The following CYP39A1 variants were observed in gnomAD, a reference collection of about 807,000 sequenced individuals.
CYP39A1 encodes 24-hydroxycholesterol 7-alpha-hydroxylase.
In CYP39A1, 49 loss-of-function variants were observed where a neutral mutation model predicts 58.1. The observed-to-expected ratio is 0.84, with a 90% CI of 0.67 to 1.07. CYP39A1 has a LOEUF of 1.07. Among genes scored for constraint, CYP39A1 ranks in the 50% least tolerant of loss-of-function variants. The pLI, the probability that CYP39A1 is intolerant of heterozygous loss-of-function variation, is 0.00. For missense variants in CYP39A1, 531 were observed against 539.4 expected, an observed-to-expected ratio of 0.98 and a Z score of 0.16; for synonymous variants, 209 against 187.6, an observed-to-expected ratio of 1.11 and a Z score of -0.93.
intron 7 of CYP39A1, among the ~76,000 whole-genome samples, chr6:46,616,016 T>TC (rs879283101): frequency 0.79 from 67,751 of 86,016 alleles, 25,167 homozygotes; most frequent in East Asian, 0.87. Flanking sequence ...CCCCCCTCCC[T>TC]CCCCCTCCCT....
Position 46,556,363 on chromosome 6 carries a change from A to G in CYP39A1, c.1251-2509T>C, listed in dbSNP as rs572686305. On this transcript the variant is annotated intron_variant, in intron 10 of 11. Transcript: ENST00000275016. Reference sequence around the variant, plus strand: ...GCAAGCTAAAGAGACTAAAATTTGTAGAGAAGAGTATCAGAAAAGAAGGAG... The same window carrying G: ...GCAAGCTAAAGAGACTAAAATTTGTGGAGAAGAGTATCAGAAAAGAAGGAG... Among the ~76,000 whole-genome samples, 6 of 152,362 alleles carry G rather than the reference A, an allele frequency of 3.9e-5. No homozygotes were observed. In the South Asian group the frequency reaches 1.2e-3, roughly 32 times the overall value.
Position 46,636,376 on chromosome 6 carries a change from A to G in CYP39A1, c.732+13T>C. 1 of 1,535,148 alleles carries G rather than the reference A, an allele frequency of 6.5e-7. No homozygotes were observed. Among genetic ancestry groups the G allele is most frequent in the Non-Finnish European group, 8.9e-7 (1 of 1,117,472 alleles). ...ATCTTTACATTAGCAAAAGAAAGGT[A>G]AGAAATACTTACCATGGAATTATCT... On this transcript the variant is annotated intron_variant, in intron 5 of 11. Transcript: ENST00000275016.
chr6:46,582,924 A>C, intron 10 of CYP39A1: 1 of 280,566 alleles, frequency 3.6e-6, no homozygotes, highest in Non-Finnish European at 5.4e-6. Context: ...AATTGTATTA[A>C]TACTAGATGC....
chr6:46,584,223 A>G (rs1469981636), intron 10 of CYP39A1, among the ~76,000 whole-genome samples: 1 of 152,210 alleles, frequency 6.6e-6, no homozygotes, highest in Admixed American at 6.6e-5. Context: ...TAAAACAGAA[A>G]CAGTAGAAAA....
chr6:46,599,087 G>C (rs567913348), intron 7 of CYP39A1, among the ~76,000 whole-genome samples: 198 of 152,218 alleles, frequency 1.3e-3, no homozygotes, highest in African/African-American at 4.5e-3. Flanking sequence ...ACACGAATTG[G>C]GGGCCAGGTC....
Position 46,642,178 on chromosome 6 carries a change from T to C in CYP39A1, c.298A>G (p.Ile100Val). 1 of 1,612,784 alleles carries C rather than the reference T, an allele frequency of 6.2e-7. No individual in the cohort carries two copies. The highest frequency in any genetic ancestry group is 1.1e-5 in the South Asian group (1 of 90,950). The part of the protein sequence containing the change: ...KVDFELAVQN[I>V]VYRTASIPKN... ...TATTCTTTACCTGTACGATAAACGA[T>C]ATTTTGCACTGCTAGTTCAAAATCT... The change falls in exon 2 of 12, where the codon ATC becomes GTC. Residue 100 changes from isoleucine (I) to valine (V), a missense_variant. Ile to Val is a conservative substitution (Grantham distance 29). Transcript: ENST00000275016.
At chr6:46,627,441 C>T (rs1214574233) in intron 6 of CYP39A1, among the ~76,000 whole-genome samples, 1 of 147,508 alleles carries the variant, frequency 6.8e-6, no homozygotes, top group African/African-American at 2.5e-5. Flanking sequence ...TTTTTTGAGA[C>T]AGAGTCTCGC....
chr6:46,573,408 G>A (rs1771692824), intron 10 of CYP39A1, among the ~76,000 whole-genome samples: 1 of 152,150 alleles, frequency 6.6e-6, no homozygotes, highest in Admixed American at 6.5e-5. Context: ...GACTGTGGGG[G>A]TCCTCAGTGG....
At chr6:46,642,798 A>G (rs1302437042) in intron 1 of CYP39A1, among the ~76,000 whole-genome samples, 10 of 152,156 alleles carry the variant, frequency 6.6e-5, no homozygotes, top group Admixed American at 6.6e-4. Flanking sequence ...TCACCTGTAC[A>G]ACCTGCCCAA....
intron 7 of CYP39A1, among the ~76,000 whole-genome samples, chr6:46,605,069 G>C (rs189620889): frequency 6.6e-6 from 1 of 151,836 alleles, no homozygotes; most frequent in East Asian, 1.9e-4. Context: ...AGTTTGTGTT[G>C]GGTCAAACAC....
chr6:46,641,786 A>G (rs999638054), intron 2 of CYP39A1, among the ~76,000 whole-genome samples: 1 of 152,240 alleles, frequency 6.6e-6, no homozygotes, highest in African/African-American at 2.4e-5. Flanking sequence ...AGTTTCAGGG[A>G]CTGAGTAACA....
chr6:46,607,094 G>A (rs551439179), intron 7 of CYP39A1, among the ~76,000 whole-genome samples: 1 of 152,240 alleles, frequency 6.6e-6, no homozygotes, highest in East Asian at 1.9e-4. Flanking sequence ...TGTCTATACT[G>A]AAAGCCTTCA....
Position 46,609,225 on chromosome 6 carries a change from C to A in CYP39A1, c.932-13105G>T, listed in dbSNP as rs1282942791. Among the ~76,000 whole-genome samples the A allele has an allele frequency of 2.6e-5, 4 of 151,692 alleles. No individual in the cohort carries two copies. The East Asian group carries it at 8.0e-4, about 30-fold the overall frequency. ...GACCATCCTGGCTAACACTGTGAAA[C>A]CCCATCTGTGCTAAATATACAAAAA... On this transcript the variant is annotated intron_variant, in intron 7 of 11. Transcript: ENST00000275016.
intron 7 of CYP39A1, among the ~76,000 whole-genome samples, chr6:46,599,219 A>G (rs1773345840): frequency 6.6e-6 from 1 of 152,158 alleles, no homozygotes; most frequent in African/African-American, 2.4e-5. Flanking sequence ...AGTCTGATAG[A>G]GAAGACAGAG....
At chr6:46,616,011 CTCCCTCCCCCT>C (rs1337165751) in intron 7 of CYP39A1, among the ~76,000 whole-genome samples, 1 of 2,584 alleles carries the variant, frequency 3.9e-4, no homozygotes, top group Non-Finnish European at 8.1e-4. Flanking sequence ...TCCCTCCCCC[CTCCCTCCCCCT>C]CCCTCCCTCC....
At chr6:46,603,949 C>T (rs1169171295) in intron 7 of CYP39A1, among the ~76,000 whole-genome samples, 1 of 152,112 alleles carries the variant, frequency 6.6e-6, no homozygotes, top group Non-Finnish European at 1.5e-5. Context: ...CTTCGCTGTA[C>T]ATATCATTTA....
At position 46,596,047 on chromosome 6, in the gene CYP39A1, G is replaced by C. The variant is rs761328216; in HGVS notation, c.1005C>G (p.Thr335=). ...TGACACCAGGAGCTTTTAAACGAAT[G>C]GTTTCCAAAACACACCATTTAATTA... ...LLLIKWCVLE[T]IRLKAPGVIT... is the part of the protein sequence containing the mutation. Residue 335 remains threonine, a synonymous_variant, in exon 8 of 12, where the codon ACC becomes ACG. Coordinates refer to ENST00000275016, the MANE Select transcript of CYP39A1 (RefSeq NM_016593.5). 4.3e-6 allele frequency: 7 copies of C among 1,611,452 alleles called. No homozygotes were observed. Among genetic ancestry groups the C allele is most frequent in the African/African-American group, 2.7e-5 (2 of 74,740 alleles).
chr6:46,642,600 T>C lies in CYP39A1; in HGVS notation c.178-302A>G, dbSNP rs569370608. Among the ~76,000 whole-genome samples, 9 of 152,274 alleles carry C rather than the reference T, an allele frequency of 5.9e-5. No homozygotes were observed. In the South Asian group the frequency reaches 1.5e-3, roughly 25 times the overall value. On this transcript the variant is annotated intron_variant, in intron 1 of 11. Transcript: ENST00000275016. ...TAAATAATTAGAAATTATATCAACA[T>C]TGTGACATTTAAACATTGTTTTCAA... is the stretch of plus-strand genomic sequence containing the variant.
intron 7 of CYP39A1, among the ~76,000 whole-genome samples, chr6:46,600,704 C>T (rs538792498): frequency 6.6e-6 from 1 of 152,272 alleles, no homozygotes; most frequent in South Asian, 2.1e-4. Context: ...GGGTAACACA[C>T]CCAACTTCAG....
Sources: gnomAD v4.1 joint callset for allele counts (sites outside exome capture counted in the v4.1 genomes callset) on GRCh38, gnomAD v4.1.1 for gene constraint, MANE v1.5 for transcripts, NCBI Gene and HGNC (gene_info 2026-07-23, HGNC 2026-07-21) for gene names.